Variants in MTMR8 observed in about 807,000 individuals in gnomAD.
The protein encoded by MTMR8 is phosphatidylinositol-3,5-bisphosphate 3-phosphatase MTMR8.
Under a neutral mutation model 39.3 loss-of-function variants are expected in MTMR8, and 65 were observed. That is an observed-to-expected ratio of 1.65 (90% CI 1.35 to 2.03). MTMR8 has a LOEUF of 2.03. MTMR8 is among the 30% of genes most tolerant of loss of function. The pLI is 0.00. For synonymous variants in MTMR8, 245 were observed against 185.2 expected (o/e 1.32, Z -2.62); for missense variants, 777 against 538.9 (o/e 1.44, Z -4.37).
intron 10 of MTMR8, among the ~76,000 whole-genome samples, chrX:64,334,191 G>T (rs1923014026): frequency 9.1e-6 from 1 of 109,907 alleles, no homozygotes; most frequent in African/African-American, 3.3e-5. Flanking sequence ...TCTTCTCCTG[G>T]ATGCCCTATG....
At position 64,319,522 on chromosome X, in the gene MTMR8, T is replaced by A. The variant is rs1922569398; in HGVS notation, c.1481+9250A>T. 2.7e-5 allele frequency among the ~76,000 whole-genome samples: 3 copies of A among 112,132 alleles called. No individual in the cohort carries two copies. In the South Asian group the frequency reaches 1.1e-3, roughly 42 times the overall value. On this transcript the variant is annotated intron_variant, in intron 12 of 13. Coordinates refer to ENST00000374852, the MANE Select transcript of MTMR8 (RefSeq NM_017677.4). ...GTATTGCCTAGGTTTTCTTCTAGGG[T>A]TTTTATGGTTTTAGGTCTAACATTT...
At chrX:64,273,894 C>T (rs898262304) in intron 12 of MTMR8, among the ~76,000 whole-genome samples, 1 of 111,724 alleles carries the variant, frequency 9.0e-6, no homozygotes, top group East Asian at 2.8e-4. Flanking sequence ...AGGATCAATA[C>T]ATCAGGAAAA....
At chrX:64,308,697 C>T (rs763585280) in intron 12 of MTMR8, among the ~76,000 whole-genome samples, 4 of 111,072 alleles carry the variant, frequency 3.6e-5, no homozygotes, top group African/African-American at 9.8e-5. Flanking sequence ...GTGCTGTATA[C>T]GTGGCATGGC....
chrX:64,303,871 A>G (rs1921987498), intron 12 of MTMR8, among the ~76,000 whole-genome samples: 1 of 112,249 alleles, frequency 8.9e-6, no homozygotes, highest in South Asian at 3.7e-4. Context: ...AAAATGAACT[A>G]TGCTGTAAAT....
Position 64,395,343 on chromosome X carries a change from G to A in MTMR8, c.21C>T (p.Pro7=), listed in dbSNP as rs761698425. The A allele has an allele frequency of 8.3e-7, 1 of 1,208,529 alleles. No homozygotes were observed. The highest frequency in any genetic ancestry group is 1.1e-6 in the Non-Finnish European group (1 of 894,582). The stretch of plus-strand genomic sequence containing the variant: ...CTCGCTTAACTCTTCTCCTTACCTT[G>A]GGTACCGTAATATGATCCATGACTG... MDHITV[P]KVENVKLVDR... is the part of the protein sequence containing the mutation. The change falls in exon 1 of 14, where the codon CCC becomes CCT. Residue 7 remains proline (P), a synonymous_variant. Transcript: ENST00000374852.
At chrX:64,296,277 C>A (rs1358830363) in intron 12 of MTMR8, among the ~76,000 whole-genome samples, 1 of 110,769 alleles carries the variant, frequency 9.0e-6, no homozygotes, top group Non-Finnish European at 1.9e-5. Context: ...TCATAAAGAC[C>A]AGAAAGTAGA....
Position 64,270,986 on chromosome X carries a change from C to A in MTMR8, c.1569G>T (p.Gln523His). The change falls in exon 13 of 14, where the codon CAG (glutamine) becomes CAT (histidine). Residue 523 changes from glutamine to histidine, a missense_variant. Gln to His is a conservative substitution (Grantham distance 24). Transcript: ENST00000374852. ...MLESLLEIKK[Q>H]RAMLETDVHE... ...GCACATCTGTCTCCAGCATTGCTCT[C>A]TGTTTCTTAATTTCCAGGAGGCTCT... is the stretch of plus-strand genomic sequence containing the variant. 2 of 1,210,777 alleles carry A rather than the reference C, an allele frequency of 1.7e-6. No homozygotes were observed. The highest frequency in any genetic ancestry group is 2.2e-6 in the Non-Finnish European group (2 of 895,089).
intron 8 of MTMR8, among the ~76,000 whole-genome samples, chrX:64,337,912 C>G (rs959645499): frequency 5.4e-5 from 6 of 111,628 alleles, no homozygotes; most frequent in Admixed American, 1.9e-4. Flanking sequence ...AGTTATTTAA[C>G]CTGGGAAATT....
chrX:64,360,126 T>C (rs1923740643), intron 1 of MTMR8, among the ~76,000 whole-genome samples: 1 of 110,437 alleles, frequency 9.1e-6, no homozygotes, highest in Non-Finnish European at 1.9e-5. Context: ...AGATATACTT[T>C]AGAGTCACAA....
chrX:64,349,980 G>T lies in MTMR8; in HGVS notation c.559C>A (p.Arg187Ser), dbSNP rs147193146. The change falls in exon 5 of 14, where the codon CGT becomes AGT. Residue 187 changes from arginine (R) to serine (S), a missense_variant. Coordinates refer to ENST00000374852, the MANE Select transcript of MTMR8 (RefSeq NM_017677.4). ...TAGAGGTAGGAGAGCACAGGGACAC[G>T]TTCTTTACTTCTGAACTTTGAACTT... ...VGSSKFRSKE[R>S]VPVLSYLYKE... 8.4e-7 allele frequency: 1 copy of T among 1,196,043 alleles called. No homozygotes were observed. Among genetic ancestry groups the T allele is most frequent in the South Asian group, 1.9e-5 (1 of 54,031 alleles).
intron 12 of MTMR8, among the ~76,000 whole-genome samples, chrX:64,275,648 CAAA>C (rs60193863): frequency 2.5e-5 from 1 of 40,692 alleles, no homozygotes; most frequent in Admixed American, 3.1e-4. Context: ...GAGTCTCTCT[CAAA>C]AAAAAAAAAA....
At chrX:64,306,734 C>T (rs886418833) in intron 12 of MTMR8, 1 of 112,212 alleles carries the variant, frequency 8.9e-6, no homozygotes, top group Non-Finnish European at 1.9e-5. Context: ...TTTTCATTGT[C>T]CACTATGAAC....
intron 4 of MTMR8, among the ~76,000 whole-genome samples, chrX:64,351,933 C>T (rs1225854188): frequency 9.0e-6 from 1 of 111,025 alleles, no homozygotes; most frequent in Non-Finnish European, 1.9e-5. Flanking sequence ...AAAGGTTAAT[C>T]TCCCCTCTAG....
chrX:64,325,341 G>A (rs1922762456), intron 12 of MTMR8, among the ~76,000 whole-genome samples: 1 of 111,480 alleles, frequency 9.0e-6, no homozygotes, highest in South Asian at 3.7e-4. Context: ...GCCAGGCAAG[G>A]ACACAATTAA....
At chrX:64,305,652 T>C (rs1922084848) in intron 12 of MTMR8, 1 of 531,475 alleles carries the variant, frequency 1.9e-6, no homozygotes, top group South Asian at 2.3e-5. Flanking sequence ...TATTCCAGAG[T>C]CTACTACCAT....
In MTMR8 at chrX:64,268,656, T is replaced by A; in HGVS notation, c.1996A>T (p.Ile666Phe). ...GAMDISEATG[I>F]SGNLGISEAR... ...TCAGAAATACCCAAGTTTCCAGAGA[T>A]GCCAGTGGCCTCAGAGATGTCCATG... Residue 666 changes from isoleucine to phenylalanine, a missense_variant, in exon 14 of 14, where the codon ATC (isoleucine) becomes TTC (phenylalanine). Coordinates refer to ENST00000374852, the MANE Select transcript of MTMR8 (RefSeq NM_017677.4). The A allele has an allele frequency of 8.3e-7, 1 of 1,211,792 alleles. No homozygotes were observed. Among genetic ancestry groups the A allele is most frequent in the Admixed American group, 2.2e-5 (1 of 46,056 alleles).
At chrX:64,316,150 G>A (rs920290651) in intron 12 of MTMR8, among the ~76,000 whole-genome samples, 2 of 111,722 alleles carry the variant, frequency 1.8e-5, no homozygotes, top group Non-Finnish European at 3.8e-5. Flanking sequence ...CAATTCAAGA[G>A]GAGATGAAAA....
At chrX:64,319,059 C>T (rs768127550) in intron 12 of MTMR8, among the ~76,000 whole-genome samples, 28 of 111,795 alleles carry the variant, frequency 2.5e-4, no homozygotes, top group African/African-American at 8.1e-4. Context: ...AAACTACCTT[C>T]GCTTCACTGA....
At chrX:64,356,101 T>C (rs2147232663) in intron 3 of MTMR8, 75 bp downstream of exon 3, 2 of 1,039,282 alleles carry the variant, frequency 1.9e-6, no homozygotes, top group South Asian at 2.1e-5. Flanking sequence ...TCTGACTCCA[T>C]AGCCCTGATC....
Sources: gnomAD v4.1 joint callset for allele counts (sites outside exome capture counted in the v4.1 genomes callset) on GRCh38, gnomAD v4.1.1 for gene constraint, MANE v1.5 for transcripts, NCBI Gene and HGNC (gene_info 2026-07-23, HGNC 2026-07-21) for gene names.